TRPM1: variants seen among roughly 807,000 people sequenced by gnomAD.
TRPM1 encodes transient receptor potential cation channel subfamily M member 1.
TRPM1 carries 113 observed loss-of-function variants against 149.4 expected under a neutral mutation model. The observed-to-expected ratio is 0.76, with a 90% CI of 0.65 to 0.88. The LOEUF (loss-of-function observed/expected upper bound fraction) is 0.88, where lower values mean the gene tolerates loss of function less well. Among genes scored for constraint, TRPM1 ranks in the 40% least tolerant of loss-of-function variants. The pLI is 0.00. For synonymous variants in TRPM1, 741 were observed against 759.5 expected, an observed-to-expected ratio of 0.98 and a Z score of 0.40; for missense variants, 1,976 against 2,038.7, an observed-to-expected ratio of 0.97 and a Z score of 0.59.
At chr15:31,054,298 A>G (rs1020502291) in intron 11 of TRPM1, among the ~76,000 whole-genome samples, 1 of 151,068 alleles carries the variant, frequency 6.6e-6, no homozygotes, top group East Asian at 1.9e-4. Flanking sequence ...TTGTTTGTTT[A>G]TTTGTTTGTT....
intron 1 of TRPM1, among the ~76,000 whole-genome samples, chr15:31,112,915 G>C (rs1474374726): frequency 6.6e-6 from 1 of 152,084 alleles, no homozygotes; most frequent in Non-Finnish European, 1.5e-5. Context: ...TTTTTCTTCT[G>C]AAATACCTCT....
In TRPM1 at chr15:31,026,120, G is replaced by C. The variant is rs369161606; in HGVS notation, c.3629+19C>G. On this transcript the variant is annotated intron_variant, in intron 27 of 27. Coordinates refer to ENST00000256552, the MANE Select transcript of TRPM1 (RefSeq NM_001252024.2). ...CAAACCCTTGGCTCACGGGCCCGCGGTGGGGACGCTACACGTACCTTTCAG... is the reference window on the plus strand; with the variant it reads ...CAAACCCTTGGCTCACGGGCCCGCGCTGGGGACGCTACACGTACCTTTCAG... The C allele has an allele frequency of 1.2e-4, 201 of 1,609,420 alleles. 1 individual carries two copies. Among genetic ancestry groups the C allele is most frequent in the Middle Eastern group, 3.8e-4 (2 of 5,256 alleles).
chr15:31,128,280 G>A (rs141702233), intron 1 of TRPM1, among the ~76,000 whole-genome samples: 23 of 152,262 alleles, frequency 1.5e-4, no homozygotes, highest in African/African-American at 5.1e-4. Context: ...GGGTGAGAAC[G>A]CCATCCCCCT....
chr15:31,115,052 C>T (rs375945376), intron 1 of TRPM1, among the ~76,000 whole-genome samples: 1 of 152,144 alleles, frequency 6.6e-6, no homozygotes, highest in African/African-American at 2.4e-5. Context: ...GTTAGGAGTT[C>T]AAGACCAGCC....
At chr15:31,112,580 G>A (rs1373056974) in intron 1 of TRPM1, among the ~76,000 whole-genome samples, 3 of 152,188 alleles carry the variant, frequency 2.0e-5, no homozygotes, top group Admixed American at 2.0e-4. Context: ...TTCCTCCCAA[G>A]GGGCCAATTA....
intron 1 of TRPM1, among the ~76,000 whole-genome samples, chr15:31,118,026 C>T (rs1466184531): frequency 3.9e-5 from 6 of 152,050 alleles, no homozygotes; most frequent in East Asian, 1.9e-4. Context: ...TTTGGGAGGC[C>T]GAGGTGGGAG....
chr15:31,141,828 G>A (rs190975281), intron 1 of TRPM1, among the ~76,000 whole-genome samples: 128 of 152,282 alleles, frequency 8.4e-4, no homozygotes, highest in African/African-American at 3.1e-3. Flanking sequence ...ATCAAATTGA[G>A]TTCTATTAAT....
At chr15:31,101,503 C>T (rs1182687941) in intron 1 of TRPM1, among the ~76,000 whole-genome samples, 154 bp downstream of exon 1, 8 of 152,204 alleles carry the variant, frequency 5.3e-5, no homozygotes, top group African/African-American at 4.8e-5. Context: ...CTTACTTGCA[C>T]CTGAGCCTAC....
At chr15:31,116,654 A>T (rs1374552602) in intron 1 of TRPM1, among the ~76,000 whole-genome samples, 1 of 146,186 alleles carries the variant, frequency 6.8e-6, no homozygotes, top group African/African-American at 2.5e-5. Context: ...CCCTACTCCC[A>T]CACCTTACCG....
At chr15:31,062,205 C>T (rs1305386659) in intron 9 of TRPM1, among the ~76,000 whole-genome samples, 4 of 152,176 alleles carry the variant, frequency 2.6e-5, no homozygotes, top group Admixed American at 2.6e-4. Flanking sequence ...GTACCTATTC[C>T]TTGTAAATGG....
upstream of TRPM1, among the ~76,000 whole-genome samples, chr15:31,104,653 G>A (rs2035575007): frequency 6.9e-6 from 1 of 145,832 alleles, no homozygotes; most frequent in Admixed American, 7.1e-5. Context: ...GAGTGCAGTG[G>A]CGCCATCTCG....
chr15:31,015,157 C>T (rs1236424197), intron 27 of TRPM1, among the ~76,000 whole-genome samples: 2 of 162 alleles, frequency 0.012, no homozygotes, highest in Non-Finnish European at 0.04. Flanking sequence ...CCTGTAATCC[C>T]AGCATTTGGG....
chr15:31,111,686 C>T (rs1043689282), intron 1 of TRPM1, among the ~76,000 whole-genome samples: 1 of 152,164 alleles, frequency 6.6e-6, no homozygotes, highest in Non-Finnish European at 1.5e-5. Flanking sequence ...TAGAAGAGCT[C>T]AACGCATGGC....
At chr15:31,028,516 T>C (rs760016468) in intron 24 of TRPM1, 40 bp from the exon 25 acceptor site, 4 of 1,603,568 alleles carry the variant, frequency 2.5e-6, no homozygotes, top group East Asian at 2.2e-5. Context: ...TTTTTACATA[T>C]AATGAAAAGG....
upstream of TRPM1, among the ~76,000 whole-genome samples, chr15:31,105,483 G>A (rs575636526): frequency 9.3e-5 from 14 of 151,312 alleles, no homozygotes; most frequent in East Asian, 1.8e-3. Flanking sequence ...GCGCGCGCGC[G>A]CGCGTGCATC....
chr15:31,047,466 C>T (rs990371281), intron 14 of TRPM1, among the ~76,000 whole-genome samples: 3 of 152,214 alleles, frequency 2.0e-5, no homozygotes, highest in South Asian at 2.1e-4. Flanking sequence ...CTGCAATCAA[C>T]AGGACACAGA....
chr15:31,061,437 C>T lies in TRPM1; in HGVS notation c.1162+5G>A. ...GACAGGAGTCACCATTTCCTGAGAG[C>T]TCACCTTTCAGCAGGGCAGTTAAAA... On this transcript the variant is annotated splice_donor_5th_base_variant and intron_variant, in intron 10 of 27. Coordinates refer to ENST00000256552, the MANE Select transcript of TRPM1 (RefSeq NM_001252024.2). 1 of 1,614,004 alleles carries T rather than the reference C, an allele frequency of 6.2e-7. No individual in the cohort carries two copies. Among genetic ancestry groups the T allele is most frequent in the East Asian group, 2.2e-5 (1 of 44,866 alleles).
intron 25 of TRPM1, 100 bp downstream of exon 25, chr15:31,028,232 A>G: frequency 1.3e-6 from 2 of 1,494,212 alleles, no homozygotes; most frequent in Non-Finnish European, 1.9e-6. Context: ...TAATGAAATT[A>G]TCTGCAAATA....
chr15:31,100,140 C>T (rs1017884449), intron 1 of TRPM1, among the ~76,000 whole-genome samples: 2 of 150,330 alleles, frequency 1.3e-5, no homozygotes, highest in Admixed American at 1.3e-4. Flanking sequence ...AGTGCAGTGG[C>T]GCAGTCTCGG....
Sources: allele counts gnomAD v4.1 joint callset (sites outside exome capture counted in the v4.1 genomes callset), GRCh38; gene constraint gnomAD v4.1.1; transcripts MANE v1.5; gene names NCBI Gene and HGNC (gene_info 2026-07-23, HGNC 2026-07-21).